GLP2R: variants seen among roughly 807,000 people sequenced by gnomAD.
GLP2R encodes glucagon like peptide 2 receptor.
In GLP2R, 59 loss-of-function variants were observed where a neutral mutation model predicts 68.2. That is an observed-to-expected ratio of 0.87 (90% CI 0.70 to 1.07). The LOEUF is 1.07. Ranked by LOEUF, GLP2R falls within the 50% of genes least tolerant of loss-of-function variation. The pLI is 0.00. For missense variants in GLP2R, 548 were observed against 677.4 expected, an observed-to-expected ratio of 0.81 and a Z score of 2.12; for synonymous variants, 270 against 265.4, an observed-to-expected ratio of 1.02 and a Z score of -0.17.
chr17:9,828,633 G>A (rs750455586), intron 1 of GLP2R, among the ~76,000 whole-genome samples: 1 of 152,158 alleles, frequency 6.6e-6, no homozygotes, highest in Admixed American at 6.5e-5. Flanking sequence ...AAATGGTTGC[G>A]TTCGATGCTG....
chr17:9,876,845 C>T (rs571674953), intron 10 of GLP2R, among the ~76,000 whole-genome samples: 4 of 152,312 alleles, frequency 2.6e-5, no homozygotes, highest in Admixed American at 2.0e-4. Flanking sequence ...AACCGAAAGG[C>T]AGGGATGGCT....
intron 9 of GLP2R, among the ~76,000 whole-genome samples, chr17:9,862,637 A>C (rs2066997221): frequency 6.6e-6 from 1 of 152,182 alleles, no homozygotes; most frequent in African/African-American, 2.4e-5. Context: ...GCCAATCCAG[A>C]GTCAAAAATT....
intron 11 of GLP2R, among the ~76,000 whole-genome samples, chr17:9,881,616 G>T (rs1261273593): frequency 7.4e-6 from 1 of 135,448 alleles, no homozygotes. Context: ...TCCTGACCTC[G>T]TGATCCGCCC....
chr17:9,834,017 G>A (rs1487539952), intron 2 of GLP2R, 123 bp downstream of exon 2: 13 of 731,818 alleles, frequency 1.8e-5, no homozygotes, highest in Middle Eastern at 3.5e-4. Flanking sequence ...TTCAGACAGG[G>A]CACACTGGGG....
In GLP2R at chr17:9,873,579, T is replaced by TTTTTTTTTA. The variant is rs1555573361; in HGVS notation, c.1145+2744_1145+2745insTTTTTTTTA. Among the ~76,000 whole-genome samples, 44 of 141,634 alleles carry TTTTTTTTTA rather than the reference T, an allele frequency of 3.1e-4. 2 individuals carry two copies. The highest frequency in any genetic ancestry group is 1.2e-3 in the African/African-American group (44 of 37,306). 92.9% of individuals were successfully genotyped at this position (141,634 alleles called of 152,430 possible). A position where few individuals can be genotyped will look rare whatever the true frequency, so the allele number is the denominator to read the frequency against. ...GACTTTTTTTTTTTTTTTTTTTTTT[T>TTTTTTTTTA]AGCTCATCAGCTATTGTTAGTGTTA... On this transcript the variant is annotated intron_variant, in intron 10 of 12. Coordinates refer to ENST00000262441, the MANE Select transcript of GLP2R (RefSeq NM_004246.3).
chr17:9,860,037 G>T lies in GLP2R; in HGVS notation c.861G>T (p.Thr287=), dbSNP rs146420890. Residue 287 remains threonine, a synonymous_variant, in exon 7 of 13, where the codon ACG becomes ACT. Coordinates refer to ENST00000262441, the MANE Select transcript of GLP2R (RefSeq NM_004246.3). ...TGGTTGAAGGCCTCTACCTCCACACGCTGCTGGAGCCCACAGTGCTTCCTG... is the reference window on the plus strand; with the variant it reads ...TGGTTGAAGGCCTCTACCTCCACACTCTGCTGGAGCCCACAGTGCTTCCTG... ...WLLVEGLYLH[T]LLEPTVLPER... is the part of the protein sequence containing the mutation. The T allele has an allele frequency of 6.2e-7, 1 of 1,613,466 alleles. No homozygotes were observed. Among genetic ancestry groups the T allele is most frequent in the East Asian group, 2.2e-5 (1 of 44,830 alleles).
chr17:9,845,179 C>T (rs1476041224), intron 4 of GLP2R, among the ~76,000 whole-genome samples: 1 of 152,002 alleles, frequency 6.6e-6, no homozygotes, highest in Non-Finnish European at 1.5e-5. Flanking sequence ...CCACCTCAGC[C>T]TCCTGAGTAG....
intron 3 of GLP2R, 29 bp downstream of exon 3, chr17:9,836,504 C>T (rs1393694942): frequency 7.3e-7 from 1 of 1,366,016 alleles, no homozygotes; most frequent in East Asian, 2.3e-5. Flanking sequence ...ACCAATTTTC[C>T]CCAACCAAGT....
At chr17:9,875,037 T>A (rs1202682541) in intron 10 of GLP2R, among the ~76,000 whole-genome samples, 1 of 152,170 alleles carries the variant, frequency 6.6e-6, no homozygotes, top group Non-Finnish European at 1.5e-5. Flanking sequence ...GTTCTTTGTG[T>A]AGAGTGCAAT....
chr17:9,852,050 T>G (rs1199374241), intron 4 of GLP2R, among the ~76,000 whole-genome samples: 1 of 117,696 alleles, frequency 8.5e-6, no homozygotes, highest in Non-Finnish European at 1.7e-5. Context: ...TAGCATTTGT[T>G]TTTTTTTTTG....
At chr17:9,839,983 CTTT>C (rs11387395) in intron 3 of GLP2R, among the ~76,000 whole-genome samples, 4,299 of 139,332 alleles carry the variant, frequency 0.031, 80 homozygotes, top group East Asian at 0.078. Flanking sequence ...TCTGAAGCCT[CTTT>C]TTTTTTTTTT....
At chr17:9,862,754 G>A (rs574857079) in intron 9 of GLP2R, among the ~76,000 whole-genome samples, 27 of 152,246 alleles carry the variant, frequency 1.8e-4, no homozygotes, top group African/African-American at 5.8e-4. Context: ...AGAGGGAGGC[G>A]GAAAGTATTC....
chr17:9,871,553 G>C (rs1031029900), intron 10 of GLP2R, among the ~76,000 whole-genome samples: 5 of 152,068 alleles, frequency 3.3e-5, no homozygotes, highest in African/African-American at 7.2e-5. Flanking sequence ...ATTGTGACTT[G>C]TTGTCGCTGC....
chr17:9,864,273 C>T (rs1182486426), intron 9 of GLP2R, among the ~76,000 whole-genome samples: 1 of 152,200 alleles, frequency 6.6e-6, no homozygotes, highest in East Asian at 1.9e-4. Context: ...TTCAGGTTCT[C>T]CAGCCCCATC....
At chr17:9,844,204 G>A (rs1226622898) in intron 4 of GLP2R, among the ~76,000 whole-genome samples, 1 of 152,206 alleles carries the variant, frequency 6.6e-6, no homozygotes, top group Non-Finnish European at 1.5e-5. Context: ...AGAGGCCTCG[G>A]GAGAGGTAGG....
Position 9,863,258 on chromosome 17 carries a change from G to A in GLP2R, c.1056+1168G>A, listed in dbSNP as rs570644329. 7.4e-4 allele frequency among the ~76,000 whole-genome samples: 113 copies of A among 152,266 alleles called. No individual in the cohort carries two copies. In the South Asian group the frequency reaches 0.017, roughly 23 times the overall value. On this transcript the variant is annotated intron_variant, in intron 9 of 12. Transcript: ENST00000262441. ...GTCCTGTCTGGACAATTCCACCAAC[G>A]TCCCAGAAACATTTATTAAGCACTT...
In GLP2R at chr17:9,836,477, T is replaced by C. The variant is rs755765892; in HGVS notation, c.382+2T>C. 2 of 1,558,494 alleles carry C rather than the reference T, an allele frequency of 1.3e-6. No homozygotes were observed. Among genetic ancestry groups the C allele is most frequent in the Non-Finnish European group, 1.8e-6 (2 of 1,129,286 alleles). ...CATACTTACCTTGGTGGAGTGAAGG[T>C]AATAAGTCTTATTTTTACCAATTTT... On this transcript the variant is annotated splice_donor_variant, in intron 3 of 12. Transcript: ENST00000262441. LOFTEE classifies it high-confidence loss of function.
At position 9,880,493 on chromosome 17, in the gene GLP2R, C is replaced by A; in HGVS notation, c.1261C>A (p.Gln421Lys). The change falls in exon 11 of 13, where the codon CAG becomes AAG. Residue 421 changes from glutamine to lysine, a missense_variant. Physicochemically the swap from Gln to Lys is moderately conservative, Grantham distance 53 (BLOSUM62 1). Transcript: ENST00000262441. ...GFAKLIRLFI[Q>K]LTLSSFHGFL... is the part of the protein sequence containing the mutation. ...TGCAAAACTTATACGACTTTTCATT[C>A]AGTTGACACTGAGCTCCTTTCATGT... is the stretch of plus-strand genomic sequence containing the variant. 2 of 1,603,816 alleles carry A rather than the reference C, an allele frequency of 1.2e-6. No homozygotes were observed. Among genetic ancestry groups the A allele is most frequent in the Non-Finnish European group, 1.7e-6 (2 of 1,173,712 alleles).
chr17:9,833,714 T>C (rs1293054021), intron 1 of GLP2R, 93 bp from the exon 2 acceptor site: 1 of 746,074 alleles, frequency 1.3e-6, no homozygotes, highest in Admixed American at 2.4e-5. Flanking sequence ...TGTGGGCACT[T>C]CAGTGGGAAG....
Sources: allele counts gnomAD v4.1 joint callset (sites outside exome capture counted in the v4.1 genomes callset), GRCh38; gene constraint gnomAD v4.1.1; transcripts MANE v1.5; gene names NCBI Gene and HGNC (gene_info 2026-07-23, HGNC 2026-07-21).